Variants in FRMD7 observed in about 807,000 individuals in gnomAD.
FRMD7 encodes the protein FERM domain containing 7.
Under a neutral mutation model 44.1 loss-of-function variants are expected in FRMD7, and 14 were observed. The ratio of observed to expected loss-of-function variants is 0.32; its 90% CI spans 0.21 to 0.50. The LOEUF is 0.50. FRMD7 is among the 20% of genes least tolerant of loss of function. The pLI, the probability that FRMD7 is intolerant of heterozygous loss-of-function variation, is 0.99. For missense variants in FRMD7, 501 were observed against 522.3 expected (o/e 0.96, Z 0.40); for synonymous variants, 212 against 187.4 (o/e 1.13, Z -1.07).
intron 5 of FRMD7, among the ~76,000 whole-genome samples, chrX:132,086,323 T>G (rs2124225069): frequency 9.0e-6 from 1 of 111,497 alleles, no homozygotes; most frequent in South Asian, 3.8e-4. Context: ...TTTTGTTAGA[T>G]TTTTCTTCTA....
At chrX:132,088,627 A>T (rs766202950) in intron 5 of FRMD7, among the ~76,000 whole-genome samples, 1 of 111,673 alleles carries the variant, frequency 9.0e-6, no homozygotes, top group African/African-American at 3.3e-5. Flanking sequence ...ACTAGAACTA[A>T]TAAATGAGTT....
At position 132,094,137 on chromosome X, in the gene FRMD7, T is replaced by A. The variant is rs767552784; in HGVS notation, c.287A>T (p.Tyr96Phe). 2 of 1,077,620 alleles carry A rather than the reference T, an allele frequency of 1.9e-6. No individual in the cohort carries two copies. The highest frequency in any genetic ancestry group is 1.8e-5 in the South Asian group (1 of 54,194). 88.8% of individuals were successfully genotyped at this position (1,077,620 alleles called of 1,213,427 possible). ...PGHLREELTRYLFTLQIKKDL... is the reference protein window; with the variant it reads ...PGHLREELTRFLFTLQIKKDL... ...CTTCTTTATTTGAAGAGTAAAAAGA[T>A]ACCTGCAAAGAAATTGGGGAGAATC... The change falls in exon 5 of 12, where the codon TAT (tyrosine) becomes TTT (phenylalanine). Residue 96 changes from tyrosine to phenylalanine, a missense_variant and splice_region_variant. Physicochemically the swap from Tyr to Phe is conservative, Grantham distance 22. Transcript: ENST00000298542.
chrX:132,085,190 C>T (rs139410433), intron 7 of FRMD7, among the ~76,000 whole-genome samples: 1,271 of 111,570 alleles, frequency 0.011, 24 homozygotes, highest in African/African-American at 0.039. Flanking sequence ...CAGCCTACAC[C>T]CATTTCCAAC....
At chrX:132,103,126 T>C (rs1271679450) in intron 1 of FRMD7, among the ~76,000 whole-genome samples, 2 of 112,061 alleles carry the variant, frequency 1.8e-5, no homozygotes, top group African/African-American at 6.5e-5. Flanking sequence ...ATAGTGTACG[T>C]TGAAATTGGC....
intron 1 of FRMD7, among the ~76,000 whole-genome samples, chrX:132,110,796 GAA>G (rs1203622415): frequency 1.8e-5 from 2 of 112,430 alleles, no homozygotes; most frequent in Non-Finnish European, 3.8e-5. Context: ...GGTCTGAAAA[GAA>G]AATCATGGCT....
At chrX:132,104,433 C>T (rs1381887759) in intron 1 of FRMD7, among the ~76,000 whole-genome samples, 1 of 111,715 alleles carries the variant, frequency 9.0e-6, no homozygotes, top group Non-Finnish European at 1.9e-5. Context: ...TGGCTTATGC[C>T]TGTAATCCTA....
intron 3 of FRMD7, among the ~76,000 whole-genome samples, chrX:132,098,823 G>A (rs1928416082): frequency 9.0e-6 from 1 of 110,691 alleles, no homozygotes; most frequent in Non-Finnish European, 1.9e-5. Flanking sequence ...AACATGTAAA[G>A]AGCAGGTAGA....
chrX:132,093,081 C>A (rs1346039082), intron 5 of FRMD7, among the ~76,000 whole-genome samples: 1 of 111,673 alleles, frequency 9.0e-6, no homozygotes, highest in Non-Finnish European at 1.9e-5. Flanking sequence ...ATTACCATTT[C>A]TCTTACTGCC....
intron 1 of FRMD7, among the ~76,000 whole-genome samples, chrX:132,122,414 A>C (rs1007830462): frequency 1.8e-5 from 2 of 111,256 alleles, no homozygotes; most frequent in African/African-American, 6.5e-5. Context: ...CTCAAACAAA[A>C]CCAATCATTA....
In FRMD7 at chrX:132,080,052, C is replaced by G; in HGVS notation, c.1004G>C (p.Arg335Pro). 1 of 1,202,116 alleles carries G rather than the reference C, an allele frequency of 8.3e-7. No homozygotes were observed. ...GAGGTCTGGTGAGGACCTGCACTGT[C>G]GTTCATGGTACTGAGATGGGTAATG... ...RKHYPSQYHERQCRSSPDLLS... is the reference protein window; with the variant it reads ...RKHYPSQYHEPQCRSSPDLLS... The change falls in exon 11 of 12, where the codon CGA (arginine) becomes CCA (proline). Residue 335 changes from arginine to proline, a missense_variant. Arg to Pro is a moderately radical substitution (Grantham distance 103). This residue lies in a region of FRMD7 where 453 missense variants were observed against 452.7 expected (regional missense o/e 1.00). Coordinates refer to ENST00000298542, the MANE Select transcript of FRMD7 (RefSeq NM_194277.3).
intron 8 of FRMD7, among the ~76,000 whole-genome samples, chrX:132,083,010 G>A (rs998860860): frequency 2.7e-5 from 3 of 111,970 alleles, no homozygotes; most frequent in African/African-American, 9.8e-5. Context: ...AAGTGCAGTG[G>A]CATGATCATC....
intron 9 of FRMD7, 34 bp downstream of exon 9, chrX:132,082,329 G>A: frequency 8.8e-7 from 1 of 1,141,934 alleles, no homozygotes; most frequent in Non-Finnish European, 1.2e-6. Context: ...AAGAAGCAGT[G>A]TGAGCAGTTT....
chrX:132,088,097 G>T (rs1257194599), intron 5 of FRMD7, among the ~76,000 whole-genome samples: 1 of 112,445 alleles, frequency 8.9e-6, no homozygotes, highest in South Asian at 3.7e-4. Context: ...CTTAAGATCA[G>T]AAATCAGGTA....
rs1210150730 is a variant in FRMD7, at chrX:132,122,271, A to C, written c.57+5517T>G. ...TGCTAGGATCATCTCCACTTTAGTG[A>C]TAAGGGCACATCCTCAGAGAGCTGA... On this transcript the variant is annotated intron_variant, in intron 1 of 11. Coordinates refer to ENST00000298542, the MANE Select transcript of FRMD7 (RefSeq NM_194277.3). 4.5e-5 allele frequency among the ~76,000 whole-genome samples: 5 copies of C among 112,169 alleles called. No homozygotes were observed. The East Asian group carries it at 1.4e-3, about 31-fold the overall frequency.
At chrX:132,127,732 A>G (rs1353357247) in intron 1 of FRMD7, 56 bp downstream of exon 1, 1 of 967,354 alleles carries the variant, frequency 1.0e-6, no homozygotes, top group Non-Finnish European at 1.5e-6. Context: ...GCTGTTCACA[A>G]ATGACAATTA....
At chrX:132,084,878 C>G (rs1423142923) in intron 7 of FRMD7, among the ~76,000 whole-genome samples, 1 of 111,453 alleles carries the variant, frequency 9.0e-6, no homozygotes, top group Non-Finnish European at 1.9e-5. Context: ...TAATCTCGCC[C>G]CTTTCCCATG....
Position 132,121,022 on chromosome X carries a change from T to C in FRMD7, c.57+6766A>G, listed in dbSNP as rs914969371. Among the ~76,000 whole-genome samples the C allele has an allele frequency of 7.2e-5, 8 of 111,769 alleles. No homozygotes were observed. In the East Asian group the frequency reaches 2.3e-3, roughly 32 times the overall value. The stretch of plus-strand genomic sequence containing the variant: ...AAGCTCCTTCACTTGGCTTTCTTTG[T>C]ACAGGCACGGGGTGGTGGTGAGCTG... On this transcript the variant is annotated intron_variant, in intron 1 of 11. Transcript: ENST00000298542.
Position 132,094,119 on chromosome X carries a change from A to G in FRMD7, c.305T>C (p.Ile102Thr). 2 of 1,148,270 alleles carry G rather than the reference A, an allele frequency of 1.7e-6. No individual in the cohort carries two copies. The highest frequency in any genetic ancestry group is 3.6e-5 in the South Asian group (2 of 55,622). 94.6% of individuals were successfully genotyped at this position (1,148,270 alleles called of 1,213,427 possible). The change falls in exon 5 of 12, where the codon ATA becomes ACA. Residue 102 changes from isoleucine to threonine, a missense_variant. This residue lies in a region of FRMD7 where 453 missense variants were observed against 452.7 expected (regional missense o/e 1.00). Transcript: ENST00000298542. ...ELTRYLFTLQIKKDLALGRLP... is the reference protein window; with the variant it reads ...ELTRYLFTLQTKKDLALGRLP... ...CCTTCCTAGAGCCAAATCCTTCTTT[A>G]TTTGAAGAGTAAAAAGATACCTGCA...
chrX:132,090,829 A>C (rs921191472), intron 5 of FRMD7, among the ~76,000 whole-genome samples: 3 of 111,676 alleles, frequency 2.7e-5, no homozygotes, highest in African/African-American at 9.8e-5. Flanking sequence ...ACAAAAGCAC[A>C]TAAGACTGTG....
Sources: gnomAD v4.1 joint callset for allele counts (sites outside exome capture counted in the v4.1 genomes callset) on GRCh38, gnomAD v4.1.1 for gene constraint, gnomAD v4.1.1 regional missense constraint, MANE v1.5 for transcripts, NCBI Gene and HGNC (gene_info 2026-07-23, HGNC 2026-07-21) for gene names.